PRKN: variants seen among roughly 807,000 people sequenced by gnomAD.
The protein encoded by PRKN is parkin RBR E3 ubiquitin protein ligase.
In PRKN, 56 loss-of-function variants were observed where a neutral mutation model predicts 59.5. The observed-to-expected ratio is 0.94, with a 90% CI of 0.76 to 1.18. The LOEUF (loss-of-function observed/expected upper bound fraction) is 1.18. Ranked by LOEUF, PRKN falls within the 50% of genes most tolerant of loss-of-function variation. PRKN has a pLI of 0.00. For missense variants in PRKN, 657 were observed against 596.4 expected, an observed-to-expected ratio of 1.10 and a Z score of -1.06; for synonymous variants, 250 against 222.1, an observed-to-expected ratio of 1.13 and a Z score of -1.12.
chr6:162,460,631 A>G (rs769609211), intron 1 of PRKN, among the ~76,000 whole-genome samples: 3 of 152,206 alleles, frequency 2.0e-5, no homozygotes, highest in Non-Finnish European at 4.4e-5. Context: ...AAACACTGTG[A>G]CTTAGTACTT....
Position 161,746,399 on chromosome 6 carries a change from G to A in PRKN, c.871+39373C>T, listed in dbSNP as rs535882426. Among the ~76,000 whole-genome samples, 157 of 151,904 alleles carry A rather than the reference G, an allele frequency of 1.0e-3. 1 individual carries two copies. Among genetic ancestry groups the A allele is most frequent in the African/African-American group, 3.6e-3 (148 of 41,406 alleles). On this transcript the variant is annotated intron_variant, in intron 7 of 11. Transcript: ENST00000366898. ...CTTATTTTATAAGTAGGGGCTAATT[G>A]GCTGGGTCTAAGTCCAGAATCCCCC...
intron 3 of PRKN, among the ~76,000 whole-genome samples, chr6:162,231,067 G>C (rs371156589): frequency 1.3e-5 from 2 of 152,284 alleles, no homozygotes; most frequent in South Asian, 2.1e-4. Context: ...CAGAAATTAA[G>C]AGGAAATTCG....
chr6:162,665,117 C>G (rs898629272), intron 1 of PRKN, among the ~76,000 whole-genome samples: 3 of 152,016 alleles, frequency 2.0e-5, no homozygotes, highest in Non-Finnish European at 2.9e-5. Flanking sequence ...CTTTGACAAC[C>G]AGTACAAGAC....
chr6:162,052,211 T>G (rs1181657023), intron 5 of PRKN, among the ~76,000 whole-genome samples: 1 of 152,192 alleles, frequency 6.6e-6, no homozygotes, highest in Non-Finnish European at 1.5e-5. Context: ...CTATTTTCTC[T>G]TTTTACCTAT....
chr6:162,662,500 C>T (rs1778926706), intron 1 of PRKN, among the ~76,000 whole-genome samples: 1 of 152,068 alleles, frequency 6.6e-6, no homozygotes, highest in Non-Finnish European at 1.5e-5. Flanking sequence ...TTTGCCTAAA[C>T]CCATGTCCAG....
chr6:162,687,940 G>A (rs867934616), intron 1 of PRKN, among the ~76,000 whole-genome samples: 4 of 152,084 alleles, frequency 2.6e-5, no homozygotes, highest in South Asian at 4.2e-4. Context: ...AATAAAAAAA[G>A]GAACATTTTG....
At chr6:161,776,998 T>C (rs1252077770) in intron 7 of PRKN, among the ~76,000 whole-genome samples, 2 of 152,224 alleles carry the variant, frequency 1.3e-5, no homozygotes, top group Admixed American at 6.5e-5. Context: ...AGTTTAACTG[T>C]TGAGGCAGGC....
chr6:161,653,123 G>A (rs1383129314), intron 7 of PRKN, among the ~76,000 whole-genome samples: 1 of 152,124 alleles, frequency 6.6e-6, no homozygotes, highest in Non-Finnish European at 1.5e-5. Flanking sequence ...CAGCACTTTG[G>A]GAGGCCGAGG....
chr6:162,179,027 A>G (rs1446282211), intron 4 of PRKN, among the ~76,000 whole-genome samples: 1 of 152,058 alleles, frequency 6.6e-6, no homozygotes, highest in Admixed American at 6.5e-5. Context: ...GTGTGCCACC[A>G]CACCTGATGC....
intron 7 of PRKN, among the ~76,000 whole-genome samples, chr6:161,708,160 T>C (rs915830642): frequency 3.9e-5 from 6 of 152,120 alleles, no homozygotes; most frequent in African/African-American, 1.4e-4. Context: ...ATACTAAGTT[T>C]AGTGAGAAGA....
chr6:161,945,550 G>A (rs931595929), intron 6 of PRKN, among the ~76,000 whole-genome samples: 25 of 152,136 alleles, frequency 1.6e-4, no homozygotes, highest in African/African-American at 5.8e-4. Context: ...AGCTCGTTAT[G>A]TTGCATTCAA....
chr6:161,560,006 C>T lies in PRKN; in HGVS notation c.933+9349G>A, dbSNP rs916320670. On this transcript the variant is annotated intron_variant, in intron 8 of 11. Transcript: ENST00000366898. The surrounding 1 kb of genome is among the most constrained non-coding windows in gnomAD (Gnocchi z 4.9). ...GGTGCTCTGGATGTCCACCTACGTC[C>T]CTCCAAAGATCATCACAATGCATCC... Among the ~76,000 whole-genome samples, 1 of 149,016 alleles carries T rather than the reference C, an allele frequency of 6.7e-6. No individual in the cohort carries two copies. Among genetic ancestry groups the T allele is most frequent in the African/African-American group, 2.4e-5 (1 of 41,186 alleles).
At chr6:162,154,709 A>G (rs1184974026) in intron 4 of PRKN, among the ~76,000 whole-genome samples, 3 of 152,162 alleles carry the variant, frequency 2.0e-5, no homozygotes, top group Non-Finnish European at 4.4e-5. Context: ...ATAATTTGTT[A>G]TTTAAGCATC....
chr6:161,761,484 C>A (rs866037861), intron 7 of PRKN, among the ~76,000 whole-genome samples: 2 of 152,164 alleles, frequency 1.3e-5, no homozygotes, highest in Non-Finnish European at 2.9e-5. Flanking sequence ...ACCAGATGCA[C>A]AAGTTACAGT....
intron 3 of PRKN, among the ~76,000 whole-genome samples, chr6:162,218,155 C>T (rs1777775969): frequency 1.3e-5 from 2 of 152,190 alleles, no homozygotes; most frequent in African/African-American, 4.8e-5. Flanking sequence ...GGAGCACTTG[C>T]TGGGGAGCAG....
intron 7 of PRKN, among the ~76,000 whole-genome samples, chr6:161,687,885 T>G (rs973792648): frequency 6.6e-6 from 1 of 152,224 alleles, no homozygotes; most frequent in Non-Finnish European, 1.5e-5. Context: ...CTTACTTAAT[T>G]TGAAGAATGT....
chr6:162,549,667 C>T (rs1454207770), intron 1 of PRKN, among the ~76,000 whole-genome samples: 5 of 130,490 alleles, frequency 3.8e-5, no homozygotes, highest in African/African-American at 1.2e-4. Context: ...TTGACCGAGT[C>T]TTGCTCTGTG....
At chr6:161,820,462 T>A (rs2128215965) in intron 6 of PRKN, among the ~76,000 whole-genome samples, 1 of 148,866 alleles carries the variant, frequency 6.7e-6, no homozygotes, top group African/African-American at 2.4e-5. Context: ...ATTTATAATG[T>A]TAAAGTTTAT....
chr6:162,273,303 G>C (rs1260020074), intron 2 of PRKN, among the ~76,000 whole-genome samples: 1 of 151,994 alleles, frequency 6.6e-6, no homozygotes, highest in Non-Finnish European at 1.5e-5. Context: ...ACAGTTTCAG[G>C]TGTGAGGCAC....
Sources: gnomAD v4.1 joint callset for allele counts (sites outside exome capture counted in the v4.1 genomes callset) on GRCh38, gnomAD v4.1.1 for gene constraint, Gnocchi (gnomAD v3.1) non-coding constraint, MANE v1.5 for transcripts, NCBI Gene and HGNC (gene_info 2026-07-23, HGNC 2026-07-21) for gene names.